Variants in TRAPPC9 observed in about 807,000 individuals in gnomAD.
The protein encoded by TRAPPC9 is trafficking protein particle complex subunit 9, also known as IKK2 binding protein.
Under a neutral mutation model 124.0 loss-of-function variants are expected in TRAPPC9, and 83 were observed. The ratio of observed to expected loss-of-function variants is 0.67; its 90% CI spans 0.56 to 0.80. TRAPPC9 has a LOEUF of 0.80. Among genes scored for constraint, TRAPPC9 ranks in the 30% least tolerant of loss-of-function variants. The pLI, the probability that TRAPPC9 is intolerant of heterozygous loss-of-function variation, is 0.00. For synonymous variants in TRAPPC9, 638 were observed against 617.5 expected, an observed-to-expected ratio of 1.03 and a Z score of -0.49; for missense variants, 1,302 against 1,508.3, an observed-to-expected ratio of 0.86 and a Z score of 2.27.
chr8:139,775,887 G>A (rs886249731), intron 21 of TRAPPC9, among the ~76,000 whole-genome samples: 15 of 152,180 alleles, frequency 9.9e-5, no homozygotes, highest in Admixed American at 3.3e-4. Flanking sequence ...AAATGCCCTC[G>A]TCCATTTCCA....
At chr8:140,277,215 G>A (rs1254722494) in intron 14 of TRAPPC9, among the ~76,000 whole-genome samples, 13 of 152,230 alleles carry the variant, frequency 8.5e-5, no homozygotes, top group African/African-American at 2.2e-4. Flanking sequence ...TGCCGGGCAC[G>A]TGTTTCCTGG....
At chr8:140,440,619 A>G (rs948004323) in intron 2 of TRAPPC9, among the ~76,000 whole-genome samples, 26 of 151,854 alleles carry the variant, frequency 1.7e-4, no homozygotes, top group Non-Finnish European at 8.8e-5. Flanking sequence ...CTTCCCCTTC[A>G]TTGCTTCTAT....
chr8:140,290,950 T>G lies in TRAPPC9; in HGVS notation c.1854+43A>C, dbSNP rs761798541. 2.0e-6 allele frequency: 3 copies of G among 1,510,144 alleles called. No individual in the cohort carries two copies. The East Asian group carries it at 6.8e-5, about 34-fold the overall frequency. The allele number at this position is 1,510,144 out of a possible 1,614,324, so 93.5% of individuals were successfully genotyped here. A position where few individuals can be genotyped will look rare whatever the true frequency, so the allele number is the denominator to read the frequency against. On this transcript the variant is annotated intron_variant, in intron 12 of 22. Coordinates refer to ENST00000438773, the MANE Select transcript of TRAPPC9 (RefSeq NM_001160372.4). ...AGTAAAACCTACTTTAATGAGAAGT[T>G]TGTATGTTAGCCCAAAAAGGTCAAA...
chr8:140,072,909 C>T (rs1368573950), intron 17 of TRAPPC9, among the ~76,000 whole-genome samples: 1 of 152,092 alleles, frequency 6.6e-6, no homozygotes, highest in African/African-American at 2.4e-5. Flanking sequence ...CTTGAACAGA[C>T]ACTTCAGAAA....
At position 140,252,025 on chromosome 8, in the gene TRAPPC9, A is replaced by C. The variant is rs2064142058; in HGVS notation, c.2431+752T>G. 6.6e-6 allele frequency among the ~76,000 whole-genome samples: 1 copy of C among 150,506 alleles called. No individual in the cohort carries two copies. The highest frequency in any genetic ancestry group is 1.5e-5 in the Non-Finnish European group (1 of 67,484). On this transcript the variant is annotated intron_variant, in intron 16 of 22. Transcript: ENST00000438773. The surrounding 1 kb of genome is among the most constrained non-coding windows in gnomAD (Gnocchi z 4.2). ...ATAATTTGGCATAATTAATTTATGA[A>C]ATCTTTTTTTTTTTTTTGAGATGGA...
chr8:139,942,684 A>G (rs952532570), intron 19 of TRAPPC9, among the ~76,000 whole-genome samples: 1 of 152,234 alleles, frequency 6.6e-6, no homozygotes, highest in African/African-American at 2.4e-5. Flanking sequence ...GCAGGAAAAG[A>G]AAAACAGACA....
At chr8:140,147,288 T>A (rs140338150) in intron 17 of TRAPPC9, among the ~76,000 whole-genome samples, 5 of 152,342 alleles carry the variant, frequency 3.3e-5, no homozygotes, top group African/African-American at 1.2e-4. Flanking sequence ...TGTCTGGATC[T>A]CTCCTCTGGG....
chr8:140,299,682 G>A (rs2065910597), intron 11 of TRAPPC9, among the ~76,000 whole-genome samples: 1 of 152,222 alleles, frequency 6.6e-6, no homozygotes, highest in Non-Finnish European at 1.5e-5. Flanking sequence ...TGTCTTTGTG[G>A]CAGCAAGGGA....
intron 17 of TRAPPC9, among the ~76,000 whole-genome samples, chr8:140,033,028 C>T (rs1220857624): frequency 6.6e-6 from 1 of 152,152 alleles, no homozygotes; most frequent in Non-Finnish European, 1.5e-5. Context: ...ATGCCTTTTT[C>T]ATGAATTACA....
At chr8:140,297,329 C>G (rs78903441) in intron 11 of TRAPPC9, among the ~76,000 whole-genome samples, 3 of 151,552 alleles carry the variant, frequency 2.0e-5, no homozygotes, top group East Asian at 1.9e-4. Flanking sequence ...CATGCACACA[C>G]TCATACACAC....
At chr8:139,966,653 T>A (rs1835726810) in intron 19 of TRAPPC9, among the ~76,000 whole-genome samples, 2 of 152,234 alleles carry the variant, frequency 1.3e-5, no homozygotes, top group South Asian at 4.1e-4. Flanking sequence ...CTAATCCCAC[T>A]GTAACAAAAC....
intron 21 of TRAPPC9, among the ~76,000 whole-genome samples, chr8:139,878,486 ATATT>A (rs1446902779): frequency 2.9e-4 from 24 of 81,506 alleles, no homozygotes; most frequent in African/African-American, 8.6e-4. Context: ...GAAGGAACTC[ATATT>A]TGAACCTGGG....
chr8:139,821,389 C>A (rs1262298346), intron 21 of TRAPPC9, among the ~76,000 whole-genome samples: 8 of 152,236 alleles, frequency 5.3e-5, no homozygotes, highest in Admixed American at 5.2e-4. Flanking sequence ...GATGCTGCAG[C>A]CTGGTACTTG....
At position 140,011,597 on chromosome 8, in the gene TRAPPC9, G is replaced by A. The variant is rs184002667; in HGVS notation, c.2699+12340C>T. On this transcript the variant is annotated intron_variant, in intron 18 of 22. Coordinates refer to ENST00000438773, the MANE Select transcript of TRAPPC9 (RefSeq NM_001160372.4). ...CGGCTCACTGCAACCTCTGCCTCCC[G>A]GGTTCAAGTGATTCTCCTACCTCAG... Among the ~76,000 whole-genome samples, 47 of 142,104 alleles carry A rather than the reference G, an allele frequency of 3.3e-4. No individual in the cohort carries two copies. In the East Asian group the frequency reaches 4.4e-3, roughly 13 times the overall value. 93.2% of individuals were successfully genotyped at this position (142,104 alleles called of 152,430 possible).
intron 19 of TRAPPC9, among the ~76,000 whole-genome samples, chr8:139,967,405 A>G (rs1351758028): frequency 6.6e-6 from 1 of 152,246 alleles, no homozygotes; most frequent in African/African-American, 2.4e-5. Context: ...TTACTGGAGA[A>G]TAACTTATCC....
At chr8:140,036,985 A>G (rs1840937457) in intron 17 of TRAPPC9, among the ~76,000 whole-genome samples, 1 of 151,924 alleles carries the variant, frequency 6.6e-6, no homozygotes, top group African/African-American at 2.4e-5. Context: ...TCCTAAAGCT[A>G]TCCCTCCCCT....
At chr8:140,285,876 G>T (rs1405051698) in intron 13 of TRAPPC9, among the ~76,000 whole-genome samples, 1 of 152,082 alleles carries the variant, frequency 6.6e-6, no homozygotes, top group Non-Finnish European at 1.5e-5. Flanking sequence ...CCTCACCTAC[G>T]ATTACACCTG....
intron 17 of TRAPPC9, among the ~76,000 whole-genome samples, chr8:140,219,363 C>T (rs572981338): frequency 3.9e-4 from 60 of 152,320 alleles, no homozygotes; most frequent in African/African-American, 1.3e-3. Context: ...GCCGCTTGAA[C>T]GTTACAAAAC....
chr8:140,012,885 G>A (rs1839224266), intron 18 of TRAPPC9, among the ~76,000 whole-genome samples: 1 of 152,212 alleles, frequency 6.6e-6, no homozygotes, highest in Admixed American at 6.5e-5. Flanking sequence ...GTTCTGAAAA[G>A]TGGCAACACC....
Sources: gnomAD v4.1 joint callset for allele counts (sites outside exome capture counted in the v4.1 genomes callset) on GRCh38, gnomAD v4.1.1 for gene constraint, Gnocchi (gnomAD v3.1) non-coding constraint, MANE v1.5 for transcripts, NCBI Gene and HGNC (gene_info 2026-07-23, HGNC 2026-07-21) for gene names.